Variants in LUM observed in about 807,000 individuals in gnomAD.
LUM encodes lumican.
LUM carries 13 observed loss-of-function variants against 20.5 expected under a neutral mutation model. The ratio of observed to expected loss-of-function variants is 0.63; its 90% CI spans 0.41 to 1.01. LUM has a LOEUF of 1.01. Ranked by LOEUF, LUM falls within the 50% of genes least tolerant of loss-of-function variation. The probability of loss-of-function intolerance (pLI) is 0.00; values close to 1 mark genes in which losing one functional copy is unlikely to be tolerated. For synonymous variants in LUM, 173 were observed against 151.5 expected, an observed-to-expected ratio of 1.14 and a Z score of -1.04; for missense variants, 321 against 391.1, an observed-to-expected ratio of 0.82 and a Z score of 1.51.
Position 91,108,304 on chromosome 12 carries a change from T to C in LUM, c.676A>G (p.Lys226Glu). 6.2e-7 allele frequency: 1 copy of C among 1,614,176 alleles called. No individual in the cohort carries two copies. Among genetic ancestry groups the C allele is most frequent in the Non-Finnish European group, 8.5e-7 (1 of 1,180,024 alleles). ...AGATACTGCAATGCATTAAAACGCTTGAAATACTCATCAGGGATGTTGCTG... is the reference window on the plus strand; with the variant it reads ...AGATACTGCAATGCATTAAAACGCTCGAAATACTCATCAGGGATGTTGCTG... ...KISNIPDEYF[K>E]RFNALQYLRL... Residue 226 changes from lysine to glutamate, a missense_variant, in exon 2 of 3, where the codon AAG becomes GAG. Transcript: ENST00000266718. This position sits in a 1 kb window ranked among gnomAD's most constrained non-coding sequence, Gnocchi z 4.2.
At chr12:91,109,266 T>TCG (rs1290692322) in intron 1 of LUM, among the ~76,000 whole-genome samples, 4 of 10,930 alleles carry the variant, frequency 3.7e-4, no homozygotes, top group Non-Finnish European at 4.4e-4. Context: ...TTCCAGTCAA[T>TCG]CTCCAGGCTC....
chr12:91,111,431 A>C lies in LUM; in HGVS notation c.-55T>G, dbSNP rs1364765367. ...CTTGACACTGCTTTCGTTAATTCTT[A>C]AAGCAGATGCACTATGGACAAGAAT... On this transcript the variant is annotated 5_prime_UTR_variant, in exon 1 of 3. Coordinates refer to ENST00000266718, the MANE Select transcript of LUM (RefSeq NM_002345.4). 1.3e-5 allele frequency: 2 copies of C among 152,022 alleles called. No individual in the cohort carries two copies. Among genetic ancestry groups the C allele is most frequent in the Non-Finnish European group, 2.9e-5 (2 of 68,044 alleles). 9.4% of individuals were successfully genotyped at this position (152,022 alleles called of 1,614,324 possible). A position where few individuals can be genotyped will look rare whatever the true frequency, so the allele number is the denominator to read the frequency against.
At chr12:91,104,760 T>C (rs1053441249) in intron 2 of LUM, among the ~76,000 whole-genome samples, 2 of 152,144 alleles carry the variant, frequency 1.3e-5, no homozygotes, top group Non-Finnish European at 2.9e-5. Flanking sequence ...CTATAAAGAA[T>C]TTTCTAGCAA....
At chr12:91,107,273 A>G (rs1224691090) in intron 2 of LUM, among the ~76,000 whole-genome samples, 16 of 92,836 alleles carry the variant, frequency 1.7e-4, no homozygotes, top group Non-Finnish European at 3.2e-4. Context: ...GAAAGAAAGA[A>G]AGAAAGAAAG....
At chr12:91,104,464 C>A in intron 2 of LUM, 145 bp from the exon 3 acceptor site, 1 of 554,760 alleles carries the variant, frequency 1.8e-6, no homozygotes, top group Non-Finnish European at 3.0e-6. Context: ...GAATTTGCAA[C>A]CATTAAAGGC....
In LUM at chr12:91,104,098, T is replaced by G; in HGVS notation, c.*67A>C. 7.8e-7 allele frequency: 1 copy of G among 1,274,506 alleles called. No homozygotes were observed. Among genetic ancestry groups the G allele is most frequent in the South Asian group, 1.2e-5 (1 of 80,392 alleles). 78.9% of individuals were successfully genotyped at this position (1,274,506 alleles called of 1,614,324 possible). A position where few individuals can be genotyped will look rare whatever the true frequency, so the allele number is the denominator to read the frequency against. ...ATGGAAGTAATAAACAGTAATAAAA[T>G]ATGGATACTATGAAAACTGACACAC... On this transcript the variant is annotated 3_prime_UTR_variant, in exon 3 of 3. Coordinates refer to ENST00000266718, the MANE Select transcript of LUM (RefSeq NM_002345.4).
rs767179237 is a variant in LUM at position 91,104,363 on chromosome 12, C to A, written c.863-44G>T. ...AAAACATTAATCATTTTTCAGTACA[C>A]TGGCTCAAAACAATACAAAAAATTT... On this transcript the variant is annotated intron_variant, in intron 2 of 2. Transcript: ENST00000266718. 4 of 1,397,786 alleles carry A rather than the reference C, an allele frequency of 2.9e-6. No individual in the cohort carries two copies. In the Admixed American group the frequency reaches 7.1e-5, roughly 25 times the overall value. 86.6% of individuals were successfully genotyped at this position (1,397,786 alleles called of 1,614,324 possible). A position where few individuals can be genotyped will look rare whatever the true frequency, so the allele number is the denominator to read the frequency against.
At chr12:91,110,332 A>G (rs1311465516) in intron 1 of LUM, among the ~76,000 whole-genome samples, 3 of 152,180 alleles carry the variant, frequency 2.0e-5, no homozygotes. Flanking sequence ...TATTTGTTTT[A>G]ATTTGAAATT....
chr12:91,108,332 C>A lies in LUM; in HGVS notation c.648G>T (p.Lys216Asn). The part of the protein sequence containing the change: ...SLLTLYLDNN[K>N]ISNIPDEYFK... ...AATACTCATCAGGGATGTTGCTGAT[C>A]TTATTGTTGTCTAAGTAGAGAGTTA... is the stretch of plus-strand genomic sequence containing the variant. The change falls in exon 2 of 3, where the codon AAG becomes AAT. Residue 216 changes from lysine to asparagine, a missense_variant. Coordinates refer to ENST00000266718, the MANE Select transcript of LUM (RefSeq NM_002345.4). This position sits in a 1 kb window ranked among gnomAD's most constrained non-coding sequence, Gnocchi z 4.2. 1 of 1,614,110 alleles carries A rather than the reference C, an allele frequency of 6.2e-7. No homozygotes were observed. The highest frequency in any genetic ancestry group is 8.5e-7 in the Non-Finnish European group (1 of 1,179,984).
intron 2 of LUM, among the ~76,000 whole-genome samples, chr12:91,106,690 T>TTAAAAAAAAAAAAAAAAA (rs1880038992): frequency 1.1e-5 from 1 of 90,586 alleles, no homozygotes; most frequent in African/African-American, 4.6e-5. Context: ...ATTTTTCTTC[T>TTAAAAAAAAAAAAAAAAA]AAAAAAAAAA....
At chr12:91,110,166 G>A (rs1442115164) in intron 1 of LUM, among the ~76,000 whole-genome samples, 1 of 152,118 alleles carries the variant, frequency 6.6e-6, no homozygotes. Flanking sequence ...AAAGTTGGTA[G>A]CCCTGGGAGA....
chr12:91,107,275 GAAAGAAAGAAAGAGAAA>G, intron 2 of LUM, among the ~76,000 whole-genome samples: 1 of 78,956 alleles, frequency 1.3e-5, no homozygotes, highest in African/African-American at 5.0e-5. Flanking sequence ...AAGAAAGAAA[GAAAGAAAGAAAGAGAAA>G]GAAAGAAAGA....
intron 2 of LUM, 55 bp from the exon 3 acceptor site, chr12:91,104,374 CA>C: frequency 1.6e-6 from 2 of 1,235,726 alleles, no homozygotes; most frequent in Non-Finnish European, 2.3e-6. Context: ...TGGCTCAAAA[CA>C]ATACAAAAAA....
chr12:91,108,867 GCA>G lies in LUM; in HGVS notation c.111_112del (p.Ala38ThrfsTer4). The G allele has an allele frequency of 6.2e-7, 1 of 1,614,010 alleles. No individual in the cohort carries two copies. Among genetic ancestry groups the G allele is most frequent in the Non-Finnish European group, 8.5e-7 (1 of 1,179,992 alleles). On this transcript the variant is annotated frameshift_variant, in exon 2 of 3. Coordinates refer to ENST00000266718, the MANE Select transcript of LUM (RefSeq NM_002345.4). LOFTEE classifies it high-confidence loss of function. This position sits in a 1 kb window ranked among gnomAD's most constrained non-coding sequence, Gnocchi z 4.2. ...GCTTTCAGGGCAGTTACATTCTGGTGCACAGTTTGGTGATGATTGCCCATAAA... is the reference window on the plus strand; with the variant it reads ...GCTTTCAGGGCAGTTACATTCTGGTGCAGTTTGGTGATGATTGCCCATAAA...
intron 2 of LUM, among the ~76,000 whole-genome samples, chr12:91,107,297 GAAAGAAAGAA>G (rs1565758458): frequency 1.9e-4 from 20 of 104,370 alleles, no homozygotes; most frequent in Admixed American, 9.5e-4. Context: ...GAGAAAGAAA[GAAAGAAAGAA>G]AGAAAGAAAG....
At chr12:91,107,288 AGAAAG>A in intron 2 of LUM, among the ~76,000 whole-genome samples, 2 of 32,396 alleles carry the variant, frequency 6.2e-5, no homozygotes, top group South Asian at 1.9e-3. Context: ...AGAAAGAAAG[AGAAAG>A]AAAGAAAGAA....
At chr12:91,106,690 TAAAA>T (rs374164456) in intron 2 of LUM, among the ~76,000 whole-genome samples, 30 of 90,602 alleles carry the variant, frequency 3.3e-4, no homozygotes, top group African/African-American at 9.6e-4. Context: ...ATTTTTCTTC[TAAAA>T]AAAAAAAAAA....
chr12:91,109,532 G>A (rs1880157732), intron 1 of LUM, among the ~76,000 whole-genome samples: 1 of 152,134 alleles, frequency 6.6e-6, no homozygotes, highest in African/African-American at 2.4e-5. Context: ...TCTGGTTACT[G>A]TTGGTTCTGA....
intron 2 of LUM, among the ~76,000 whole-genome samples, chr12:91,104,675 A>G (rs1405610948): frequency 6.6e-6 from 1 of 152,164 alleles, no homozygotes; most frequent in East Asian, 1.9e-4. Context: ...AATGGATCCC[A>G]TTGTTGTATG....
Sources: gnomAD v4.1 joint callset for allele counts (sites outside exome capture counted in the v4.1 genomes callset) on GRCh38, gnomAD v4.1.1 for gene constraint, Gnocchi (gnomAD v3.1) non-coding constraint, MANE v1.5 for transcripts, NCBI Gene and HGNC (gene_info 2026-07-23, HGNC 2026-07-21) for gene names.